Variants in PLCXD1 observed in about 807,000 individuals in gnomAD.
PLCXD1 encodes the protein phosphatidylinositol specific phospholipase C X domain containing 1.
PLCXD1 carries 45 observed loss-of-function variants against 37.8 expected under a neutral mutation model. The ratio of observed to expected loss-of-function variants is 1.19; its 90% CI spans 0.94 to 1.53. The LOEUF is 1.53. Ranked by LOEUF, PLCXD1 falls within the 40% of genes most tolerant of loss-of-function variation. PLCXD1 has a pLI of 0.00. For missense variants in PLCXD1, 539 were observed against 454.7 expected (o/e 1.19, Z -1.69); for synonymous variants, 246 against 206.9 (o/e 1.19, Z -1.62).
At chrX:285,593 A>C (rs962284550) in intron 2 of PLCXD1, among the ~76,000 whole-genome samples, 3 of 152,112 alleles carry the variant, frequency 2.0e-5, no homozygotes, top group Non-Finnish European at 1.5e-5. Flanking sequence ...ACATACATGA[A>C]TGCACATATG....
chrX:287,304 A>G (rs1391321304), intron 2 of PLCXD1, among the ~76,000 whole-genome samples: 1 of 144,756 alleles, frequency 6.9e-6, no homozygotes, highest in African/African-American at 2.5e-5. Flanking sequence ...TATATGATAC[A>G]TAAGTACATT....
upstream of PLCXD1, among the ~76,000 whole-genome samples, chrX:279,583 C>G (rs1203688027): frequency 6.6e-6 from 1 of 152,038 alleles, no homozygotes; most frequent in Non-Finnish European, 1.5e-5. Flanking sequence ...ACCAGCCTGG[C>G]CAACATGGTG....
rs2069965099 is a variant in PLCXD1, at chrX:300,371, T to A, written c.*1036T>A. ...CTCACACCAAGCCTATAGATATATA[T>A]GTGTGTGTATATATGTGTGTTTATG... On this transcript the variant is annotated 3_prime_UTR_variant, in exon 7 of 7. Transcript: ENST00000381657. The A allele has an allele frequency of 6.6e-6, 1 of 152,018 alleles. No individual in the cohort carries two copies. The highest frequency in any genetic ancestry group is 1.5e-5 in the Non-Finnish European group (1 of 68,040). The allele number at this position is 152,018 out of a possible 1,614,324, so 9.4% of individuals were successfully genotyped here.
chrX:285,131 C>A (rs866407914), intron 2 of PLCXD1, among the ~76,000 whole-genome samples: 1 of 57,162 alleles, frequency 1.7e-5, no homozygotes, highest in Non-Finnish European at 3.3e-5. Flanking sequence ...CATGCGCACA[C>A]ACATACATGC....
intron 2 of PLCXD1, among the ~76,000 whole-genome samples, chrX:285,699 G>A (rs1219977940): frequency 1.3e-5 from 2 of 151,706 alleles, no homozygotes; most frequent in African/African-American, 2.4e-5. Flanking sequence ...ACAGGTACAT[G>A]TTTAAACACA....
intron 6 of PLCXD1, among the ~76,000 whole-genome samples, chrX:298,827 C>T (rs28739321): frequency 2.5e-5 from 2 of 79,160 alleles, no homozygotes; most frequent in African/African-American, 8.3e-5. Flanking sequence ...ATCTTTGGGG[C>T]CATTATTCTG....
At chrX:284,337 G>A in intron 2 of PLCXD1, 23 bp downstream of exon 2, 12 of 1,612,078 alleles carry the variant, frequency 7.4e-6, no homozygotes, top group Non-Finnish European at 9.3e-6. Context: ...TGGGGCAGGG[G>A]CCGTTGCCTC....
At chrX:283,684 AGG>A (rs2069353185) in intron 1 of PLCXD1, 1 of 137,928 alleles carries the variant, frequency 7.3e-6, no homozygotes, top group Non-Finnish European at 1.6e-5. Flanking sequence ...CCTTGGTGTC[AGG>A]CACGGGTGGG....
intron 1 of PLCXD1, chrX:283,904 G>A: frequency 3.5e-6 from 1 of 287,416 alleles, no homozygotes; most frequent in Non-Finnish European, 6.5e-6. Flanking sequence ...TTTTGGATAT[G>A]GAGTTTCACT....
At chrX:281,241 C>T (rs1165044437), upstream of PLCXD1, 4 of 227,054 alleles carry the variant, frequency 1.8e-5, no homozygotes, top group African/African-American at 4.8e-5. Context: ...CCTGGGGACC[C>T]GGAGCCGCGG....
rs1004595106 is a variant in PLCXD1, at chrX:302,098, G to C, written c.*2763G>C. The C allele has an allele frequency of 1.3e-5, 2 of 152,334 alleles. No homozygotes were observed. The highest frequency in any genetic ancestry group is 4.8e-5 in the African/African-American group (2 of 41,466). 9.4% of individuals were successfully genotyped at this position (152,334 alleles called of 1,614,324 possible). A position where few individuals can be genotyped will look rare whatever the true frequency, so the allele number is the denominator to read the frequency against. On this transcript the variant is annotated 3_prime_UTR_variant, in exon 7 of 7. Transcript: ENST00000381657. ...CCCCTTGAAGGCTGTGGCCTGGGCT[G>C]TTCCCTCATTCATTCCTGCCTCCCG...
In PLCXD1 at chrX:300,293, T is replaced by G. The variant is rs2124414806; in HGVS notation, c.*958T>G. ...ACAGCTCACTAATTACTAAACACAG[T>G]GACAGCCCACTTAGGAGCCGGCCTC... is the stretch of plus-strand genomic sequence containing the variant. On this transcript the variant is annotated 3_prime_UTR_variant, in exon 7 of 7. Coordinates refer to ENST00000381657, the MANE Select transcript of PLCXD1 (RefSeq NM_018390.4). The G allele has an allele frequency of 6.6e-6, 1 of 152,208 alleles. No homozygotes were observed. The highest frequency in any genetic ancestry group is 2.4e-5 in the African/African-American group (1 of 41,518). 9.4% of individuals were successfully genotyped at this position (152,208 alleles called of 1,614,324 possible).
intron 6 of PLCXD1, among the ~76,000 whole-genome samples, chrX:296,730 C>G (rs1424991911): frequency 2.0e-5 from 3 of 152,188 alleles, no homozygotes; most frequent in Non-Finnish European, 4.4e-5. Flanking sequence ...TTCTTCCTGT[C>G]TATCACATGG....
chrX:296,248 G>GTAC (rs1169215155), intron 6 of PLCXD1, among the ~76,000 whole-genome samples: 6 of 152,262 alleles, frequency 3.9e-5, no homozygotes, highest in South Asian at 2.1e-4. Context: ...AGCCTCCCGA[G>GTAC]TAGCTGGGAT....
At position 299,149 on chromosome X, in the gene PLCXD1, G is replaced by C; in HGVS notation, c.786G>C (p.Leu262=). Residue 262 remains leucine (L), a synonymous_variant, in exon 7 of 7, where the codon CTG becomes CTC. Transcript: ENST00000381657. The part of the protein sequence containing the change: ...INLTENLQYV[L]AHPSESLEKM... The stretch of plus-strand genomic sequence containing the variant: ...TCACGGAGAACCTGCAGTACGTTCT[G>C]GCGCACCCGTCCGAGTCCCTGGAGA... 6.2e-7 allele frequency: 1 copy of C among 1,613,940 alleles called. No homozygotes were observed. Among genetic ancestry groups the C allele is most frequent in the Non-Finnish European group, 8.5e-7 (1 of 1,179,846 alleles).
At chrX:291,149 T>C (rs2069621496) in intron 4 of PLCXD1, among the ~76,000 whole-genome samples, 1 of 151,308 alleles carries the variant, frequency 6.6e-6, no homozygotes, top group East Asian at 1.9e-4. Flanking sequence ...CTTTTTTTTT[T>C]GCTTTTTTTT....
At chrX:278,476 C>T (rs1264568676), upstream of PLCXD1, among the ~76,000 whole-genome samples, 7 of 152,112 alleles carry the variant, frequency 4.6e-5, no homozygotes, top group Non-Finnish European at 8.8e-5. Flanking sequence ...CGGTGGCTCA[C>T]GCCTGTCATC....
chrX:293,289 A>C, intron 6 of PLCXD1, 71 bp downstream of exon 6: 1 of 1,189,622 alleles, frequency 8.4e-7, no homozygotes, highest in Non-Finnish European at 1.2e-6. Context: ...GGCCGGGTCC[A>C]CATGGACTTG....
intron 1 of PLCXD1, among the ~76,000 whole-genome samples, chrX:283,010 G>GTT (rs2069324072): frequency 1.4e-5 from 2 of 144,968 alleles, no homozygotes; most frequent in African/African-American, 5.0e-5. Flanking sequence ...TATTATATAT[G>GTT]TTATATATAT....
Sources: allele counts gnomAD v4.1 joint callset (sites outside exome capture counted in the v4.1 genomes callset), GRCh38; gene constraint gnomAD v4.1.1; transcripts MANE v1.5; gene names NCBI Gene and HGNC (gene_info 2026-07-23, HGNC 2026-07-21).